The following PRKD1 variants were observed in gnomAD, a reference collection of about 807,000 sequenced individuals.
PRKD1 encodes the protein serine/threonine-protein kinase D1.
Under a neutral mutation model 95.9 loss-of-function variants are expected in PRKD1, and 63 were observed. The observed-to-expected ratio is 0.66, with a 90% CI of 0.54 to 0.81. PRKD1 has a LOEUF of 0.81. PRKD1 is among the 30% of genes least tolerant of loss of function. The pLI is 0.00. For synonymous variants in PRKD1, 425 were observed against 423.1 expected, an observed-to-expected ratio of 1.00 and a Z score of -0.05; for missense variants, 1,048 against 1,165.3, an observed-to-expected ratio of 0.90 and a Z score of 1.47.
intron 1 of PRKD1, among the ~76,000 whole-genome samples, chr14:29,811,014 T>G (rs528017884): frequency 7.2e-5 from 11 of 152,274 alleles, no homozygotes; most frequent in African/African-American, 2.6e-4. Context: ...TTGAAGCAAA[T>G]ATAGGATGAT....
intron 1 of PRKD1, among the ~76,000 whole-genome samples, chr14:29,743,937 T>A (rs1887097659): frequency 6.6e-6 from 1 of 152,224 alleles, no homozygotes. Flanking sequence ...CTATCACTTT[T>A]TAGTCACTTT....
intron 1 of PRKD1, among the ~76,000 whole-genome samples, chr14:29,726,331 A>G (rs1041592085): frequency 2.0e-5 from 3 of 152,152 alleles, no homozygotes; most frequent in Non-Finnish European, 4.4e-5. Flanking sequence ...CACAGCATGG[A>G]GGGTTTCTGT....
chr14:29,915,964 A>T (rs964751119), intron 1 of PRKD1, among the ~76,000 whole-genome samples: 2 of 152,216 alleles, frequency 1.3e-5, no homozygotes, highest in Non-Finnish European at 2.9e-5. Context: ...ACTACCACAA[A>T]GGGCTGCTGT....
intron 16 of PRKD1, among the ~76,000 whole-genome samples, chr14:29,579,134 T>C (rs1452275142): frequency 1.3e-5 from 2 of 151,918 alleles, no homozygotes; most frequent in African/African-American, 2.4e-5. Flanking sequence ...GTAATACTCA[T>C]CGTTATCTAG....
At chr14:29,727,105 A>G (rs1309296089) in intron 1 of PRKD1, among the ~76,000 whole-genome samples, 1 of 152,056 alleles carries the variant, frequency 6.6e-6, no homozygotes, top group African/African-American at 2.4e-5. Flanking sequence ...CTGGTGTGTA[A>G]TGATATCTCA....
chr14:29,634,892 G>A (rs1468694500), intron 7 of PRKD1, among the ~76,000 whole-genome samples: 2 of 151,952 alleles, frequency 1.3e-5, no homozygotes, highest in Non-Finnish European at 2.9e-5. Flanking sequence ...AAAATCAGCT[G>A]GGCATGTTGG....
At chr14:29,878,942 TA>T (rs2139391802) in intron 1 of PRKD1, among the ~76,000 whole-genome samples, 1 of 152,278 alleles carries the variant, frequency 6.6e-6, no homozygotes, top group Admixed American at 6.5e-5. Context: ...TTTAATAAAA[TA>T]CATGAAAATT....
rs548356834 is a variant in PRKD1 at position 29,782,187 on chromosome 14, AT to A, written c.265-56514del. Reference sequence around the variant, plus strand: ...AAGAGACATTATCAGTGATACTCTGATGTACTGGTAAACATTTTTTAACATT... The same window carrying A: ...AAGAGACATTATCAGTGATACTCTGAGTACTGGTAAACATTTTTTAACATT... On this transcript the variant is annotated intron_variant, in intron 1 of 17. Coordinates refer to ENST00000331968, the MANE Select transcript of PRKD1 (RefSeq NM_002742.3). Among the ~76,000 whole-genome samples the A allele has an allele frequency of 3.2e-4, 48 of 152,322 alleles. 1 individual carries two copies. The South Asian group carries it at 8.5e-3, about 27-fold the overall frequency.
chr14:29,611,193 G>A (rs1442763682), intron 13 of PRKD1, among the ~76,000 whole-genome samples: 2 of 152,164 alleles, frequency 1.3e-5, no homozygotes, highest in Non-Finnish European at 2.9e-5. Context: ...TCTAACAAAT[G>A]TACCACTGTG....
At chr14:29,676,652 C>G (rs1478555582) in intron 2 of PRKD1, among the ~76,000 whole-genome samples, 1 of 152,134 alleles carries the variant, frequency 6.6e-6, no homozygotes, top group Non-Finnish European at 1.5e-5. Context: ...AGCGCCCGGC[C>G]AAGTTCAGTT....
chr14:29,850,714 T>TA (rs537116273), intron 1 of PRKD1, among the ~76,000 whole-genome samples: 51 of 151,640 alleles, frequency 3.4e-4, no homozygotes, highest in Admixed American at 2.3e-3. Flanking sequence ...TTTCATGAAT[T>TA]AAAAAAAACC....
chr14:29,912,729 T>A (rs1362596879), intron 1 of PRKD1, among the ~76,000 whole-genome samples: 1 of 152,242 alleles, frequency 6.6e-6, no homozygotes, highest in Non-Finnish European at 1.5e-5. Flanking sequence ...TCCTCCTTTT[T>A]TAGCTAACCG....
In PRKD1 at chr14:29,927,254, G is replaced by C. The variant is rs776012597; in HGVS notation, c.259C>G (p.Gln87Glu). The C allele has an allele frequency of 2.7e-6, 4 of 1,505,036 alleles. No homozygotes were observed. Among genetic ancestry groups the C allele is most frequent in the East Asian group, 2.9e-5 (1 of 34,460 alleles). 93.2% of individuals were successfully genotyped at this position (1,505,036 alleles called of 1,614,324 possible). A position where few individuals can be genotyped will look rare whatever the true frequency, so the allele number is the denominator to read the frequency against. The change falls in exon 1 of 18, where the codon CAG becomes GAG. Residue 87 changes from glutamine to glutamate, a missense_variant. Around this residue, in one of 3 missense-constraint regions of PRKD1, gnomAD observed 275 missense variants for 248.6 expected, o/e 1.11. Transcript: ENST00000331968. Reference protein sequence around the residue: ...VREMACSIVDQKFPECGFYGM... With the variant: ...VREMACSIVDEKFPECGFYGM... The stretch of plus-strand genomic sequence containing the variant: ...GCAGCGGTGCGGCGACTTACCTTCT[G>C]GTCGACAATGGAGCAAGCCATCTCG...
intron 16 of PRKD1, among the ~76,000 whole-genome samples, chr14:29,594,531 G>A (rs1037347647): frequency 1.1e-4 from 17 of 152,136 alleles, no homozygotes; most frequent in Non-Finnish European, 2.4e-4. Flanking sequence ...TTTTACAGAT[G>A]AGGAACTGAA....
chr14:29,661,724 G>A (rs1347396623), intron 4 of PRKD1, among the ~76,000 whole-genome samples: 1 of 152,094 alleles, frequency 6.6e-6, no homozygotes, highest in Non-Finnish European at 1.5e-5. Context: ...ACTTCCAAAT[G>A]CATTTCTCAT....
At chr14:29,885,424 T>C (rs899054741) in intron 1 of PRKD1, among the ~76,000 whole-genome samples, 9 of 152,180 alleles carry the variant, frequency 5.9e-5, no homozygotes, top group Admixed American at 5.9e-4. Flanking sequence ...AAAATACCTA[T>C]GTTTTTAACT....
chr14:29,597,732 G>C lies in PRKD1; in HGVS notation c.2193C>G (p.Ala731=), dbSNP rs779275134. 4.3e-6 allele frequency: 7 copies of C among 1,611,610 alleles called. No homozygotes were observed. The highest frequency in any genetic ancestry group is 5.1e-6 in the Non-Finnish European group (6 of 1,179,030). ...PQVKLCDFGF[A]RIIGEKSFRR... ...GGAAAGACTTCTCTCCAATGATCCG[G>C]GCAAAACCAAAATCACAAAGTTTCA... The change falls in exon 16 of 18, where the codon GCC becomes GCG. Residue 731 remains alanine, a synonymous_variant. Transcript: ENST00000331968.
At chr14:29,667,927 ATTTG>A (rs895319155) in intron 2 of PRKD1, among the ~76,000 whole-genome samples, 102 of 123,086 alleles carry the variant, frequency 8.3e-4, no homozygotes, top group African/African-American at 3.7e-3. Flanking sequence ...TGCTAGGTAA[ATTTG>A]TTTTTTTTTT....
chr14:29,649,180 C>CA (rs1297905656), intron 4 of PRKD1, among the ~76,000 whole-genome samples: 1 of 152,066 alleles, frequency 6.6e-6, no homozygotes, highest in African/African-American at 2.4e-5. Flanking sequence ...TTTTTTTAGC[C>CA]ATTTATTTTA....
Sources: gnomAD v4.1 joint callset for allele counts (sites outside exome capture counted in the v4.1 genomes callset) on GRCh38, gnomAD v4.1.1 for gene constraint, gnomAD v4.1.1 regional missense constraint, MANE v1.5 for transcripts, NCBI Gene and HGNC (gene_info 2026-07-23, HGNC 2026-07-21) for gene names.